Variants in MALRD1 observed in about 807,000 individuals in gnomAD.
MALRD1 encodes MAM and LDL receptor class A domain containing 1.
In MALRD1, 247 loss-of-function variants were observed where a neutral mutation model predicts 242.1. The ratio of observed to expected loss-of-function variants is 1.02; its 90% confidence interval spans 0.92 to 1.13. The LOEUF (loss-of-function observed/expected upper bound fraction) is 1.13. Among genes scored for constraint, MALRD1 ranks in the 50% most tolerant of loss-of-function variants. MALRD1 has a pLI of 0.00. For synonymous variants in MALRD1, 995 were observed against 866.6 expected, an observed-to-expected ratio of 1.15 and a Z score of -2.60; for missense variants, 2,989 against 2,533.1, an observed-to-expected ratio of 1.18 and a Z score of -3.86.
intron 34 of MALRD1, among the ~76,000 whole-genome samples, chr10:19,600,058 G>A (rs1838281415): frequency 6.6e-6 from 1 of 152,122 alleles, no homozygotes; most frequent in Non-Finnish European, 1.5e-5. Flanking sequence ...GGGAAGAAGT[G>A]GGTAGCTTAC....
Position 19,280,122 on chromosome 10 carries a change from A to G in MALRD1, c.3155A>G (p.Asp1052Gly). Residue 1052 changes from aspartate to glycine, a missense_variant, in exon 20 of 40, where the codon GAC (aspartate) becomes GGC (glycine). Coordinates refer to ENST00000454679, the MANE Select transcript of MALRD1 (RefSeq NM_001142308.3). The stretch of plus-strand genomic sequence containing the variant: ...ACATTACCTCCACACAACTGCACAG[A>G]CAATGAATTTATCTGCAGGTCTGAT... ...PVTLPPHNCT[D>G]NEFICRSDGH... is the part of the protein sequence containing the mutation. The G allele has an allele frequency of 4.5e-6, 7 of 1,546,534 alleles. No individual in the cohort carries two copies. The highest frequency in any genetic ancestry group is 6.1e-6 in the Non-Finnish European group (7 of 1,145,556).
chr10:19,155,593 A>G (rs1017415406), intron 12 of MALRD1, among the ~76,000 whole-genome samples: 1 of 152,188 alleles, frequency 6.6e-6, no homozygotes, highest in Non-Finnish European at 1.5e-5. Context: ...GGCAAACACA[A>G]ACTAAGGAGT....
intron 17 of MALRD1, among the ~76,000 whole-genome samples, chr10:19,208,541 G>A (rs10827061): frequency 0.44 from 66,669 of 151,930 alleles, 15,406 homozygotes; most frequent in South Asian, 0.69. Context: ...GCACTGATGC[G>A]TAGGGACTCT....
intron 26 of MALRD1, among the ~76,000 whole-genome samples, chr10:19,356,765 A>T (rs1844654763): frequency 6.6e-6 from 1 of 152,088 alleles, no homozygotes; most frequent in African/African-American, 2.4e-5. Context: ...TTGATGTGAT[A>T]TTTGTAAATT....
intron 18 of MALRD1, among the ~76,000 whole-genome samples, chr10:19,243,907 C>T (rs898442377): frequency 4.0e-5 from 6 of 150,518 alleles, no homozygotes; most frequent in African/African-American, 1.2e-4. Flanking sequence ...GCCATTAACA[C>T]AAAAGAGAAA....
chr10:19,094,421 G>A (rs1445667625), intron 4 of MALRD1, among the ~76,000 whole-genome samples: 5 of 146,466 alleles, frequency 3.4e-5, no homozygotes, highest in African/African-American at 1.3e-4. Context: ...GCGCTTCCCA[G>A]GTGAGGCAAT....
At chr10:19,153,255 T>C (rs2256799) in intron 11 of MALRD1, among the ~76,000 whole-genome samples, 137,910 of 152,234 alleles carry the variant, frequency 0.91, 62,701 homozygotes, top group East Asian at 1. Context: ...TTTGTTCCTA[T>C]GCTCACAAGT....
chr10:19,066,436 CAGTT>C (rs1312575235), intron 1 of MALRD1, among the ~76,000 whole-genome samples: 3 of 152,262 alleles, frequency 2.0e-5, no homozygotes, highest in South Asian at 2.1e-4. Context: ...TAAGCTAAGA[CAGTT>C]AGTTAATAAG....
chr10:19,528,507 C>A (rs566712254), intron 31 of MALRD1, among the ~76,000 whole-genome samples: 1 of 152,082 alleles, frequency 6.6e-6, no homozygotes, highest in Non-Finnish European at 1.5e-5. Flanking sequence ...GCAGGAGAAC[C>A]GCTTGAACCC....
chr10:19,300,278 A>G (rs1238710240), intron 21 of MALRD1, among the ~76,000 whole-genome samples: 3 of 152,010 alleles, frequency 2.0e-5, no homozygotes, highest in Non-Finnish European at 2.9e-5. Context: ...CAATGTTAAA[A>G]TGGCTATACT....
intron 31 of MALRD1, among the ~76,000 whole-genome samples, chr10:19,515,265 T>G (rs1429924936): frequency 1.3e-5 from 2 of 152,144 alleles, no homozygotes; most frequent in African/African-American, 4.8e-5. Context: ...TGACCTTAAT[T>G]TACAGGGAAC....
At chr10:19,243,203 T>C in intron 18 of MALRD1, among the ~76,000 whole-genome samples, 1 of 148,172 alleles carries the variant, frequency 6.7e-6, no homozygotes, top group Non-Finnish European at 1.5e-5. Context: ...ACTCTTGACT[T>C]CTCCCCCGCC....
chr10:19,633,705 C>T (rs920807608), intron 36 of MALRD1: 13 of 152,232 alleles, frequency 8.5e-5, no homozygotes, highest in African/African-American at 2.4e-4. Flanking sequence ...ACGGTATTCC[C>T]AGGAAGCTTC....
At chr10:19,253,804 C>G (rs920654089) in intron 18 of MALRD1, among the ~76,000 whole-genome samples, 2 of 151,954 alleles carry the variant, frequency 1.3e-5, no homozygotes, top group African/African-American at 4.8e-5. Context: ...CCTGTCAACA[C>G]AAATCTGATT....
intron 18 of MALRD1, among the ~76,000 whole-genome samples, chr10:19,253,671 T>G (rs1839388910): frequency 1.3e-5 from 2 of 151,986 alleles, no homozygotes; most frequent in Non-Finnish European, 1.5e-5. Context: ...TCATGTTGTT[T>G]AAGAGCCAAC....
At position 19,456,629 on chromosome 10, in the gene MALRD1, C is replaced by T. The variant is rs563447297; in HGVS notation, c.5029+6139C>T. Among the ~76,000 whole-genome samples, 41 of 152,084 alleles carry T rather than the reference C, an allele frequency of 2.7e-4. No individual in the cohort carries two copies. The South Asian group carries it at 3.7e-3, about 14-fold the overall frequency. On this transcript the variant is annotated intron_variant, in intron 29 of 39. Transcript: ENST00000454679. ...TATTTCTGCTCACATTTGAGTGCTC[C>T]GAGTGTTGCATTCAGATCGCTCGCA...
chr10:19,323,752 G>A (rs1026141727), intron 21 of MALRD1, among the ~76,000 whole-genome samples, 197 bp from the exon 22 acceptor site: 8 of 151,956 alleles, frequency 5.3e-5, no homozygotes, highest in African/African-American at 1.7e-4. Context: ...GGGATTACAG[G>A]CACACGCCAC....
intron 32 of MALRD1, among the ~76,000 whole-genome samples, chr10:19,534,946 C>T (rs1445545946): frequency 2.0e-5 from 3 of 151,994 alleles, no homozygotes; most frequent in South Asian, 2.1e-4. Context: ...AGTGCAGTGG[C>T]GCGATCTTGG....
chr10:19,115,426 A>G (rs905248079), intron 5 of MALRD1, among the ~76,000 whole-genome samples: 3 of 151,884 alleles, frequency 2.0e-5, no homozygotes, highest in African/African-American at 7.3e-5. Flanking sequence ...TTAAAATAAA[A>G]GCTTTTTTTT....
Sources: gnomAD v4.1 joint callset for allele counts (sites outside exome capture counted in the v4.1 genomes callset) on GRCh38, gnomAD v4.1.1 for gene constraint, MANE v1.5 for transcripts, NCBI Gene and HGNC (gene_info 2026-07-23, HGNC 2026-07-21) for gene names.